VPS8: variants seen among roughly 807,000 people sequenced by gnomAD.
VPS8 encodes the protein vacuolar protein sorting-associated protein 8 homolog.
In VPS8, 129 loss-of-function variants were observed where a neutral mutation model predicts 216.4. That is an observed-to-expected ratio of 0.60 (90% confidence interval 0.52 to 0.69). The LOEUF is 0.69. VPS8 is among the 30% of genes least tolerant of loss of function. The pLI is 0.00. For synonymous variants in VPS8, 571 were observed against 565.4 expected (o/e 1.01, Z -0.14); for missense variants, 1,531 against 1,683.5 (o/e 0.91, Z 1.59).
intron 20 of VPS8, 68 bp downstream of exon 20, chr3:184,869,596 T>C: frequency 6.6e-7 from 1 of 1,514,404 alleles, no homozygotes; most frequent in South Asian, 1.1e-5. Flanking sequence ...GCCAGTATCT[T>C]TGGGCATGAG....
rs371353447 is a variant in VPS8, at chr3:184,951,378, A to C, written c.3036-5996A>C. On this transcript the variant is annotated intron_variant, in intron 36 of 47. Coordinates refer to ENST00000625842, the MANE Select transcript of VPS8 (RefSeq NM_001009921.3). ...CCCACACCTATAGTCTCAGTTACTC[A>C]GGAGGCTGAAGTGGGAGGATCACTG... 3.8e-3 allele frequency among the ~76,000 whole-genome samples: 579 copies of C among 151,974 alleles called. 3 individuals are homozygous for C. Among genetic ancestry groups the C allele is most frequent in the African/African-American group, 0.013 (556 of 41,476 alleles).
At chr3:185,010,583 A>G (rs185194027) in intron 45 of VPS8, among the ~76,000 whole-genome samples, 113 of 152,288 alleles carry the variant, frequency 7.4e-4, no homozygotes, top group African/African-American at 2.6e-3. Flanking sequence ...TTAAAACTAC[A>G]ATGTCTGAGA....
At chr3:184,971,578 A>G (rs1748413821) in intron 39 of VPS8, 71 bp from the exon 40 acceptor site, 2 of 1,213,180 alleles carry the variant, frequency 1.6e-6, no homozygotes, top group African/African-American at 1.6e-5. Context: ...AAGAAGTTTA[A>G]CTTTTCACAG....
At chr3:184,878,389 G>A (rs919028414) in intron 21 of VPS8, among the ~76,000 whole-genome samples, 1 of 152,192 alleles carries the variant, frequency 6.6e-6, no homozygotes, top group Admixed American at 6.5e-5. Flanking sequence ...GATTACAGGT[G>A]TGAGCCACTG....
chr3:184,954,966 C>T (rs561660596), intron 36 of VPS8, among the ~76,000 whole-genome samples: 35 of 152,180 alleles, frequency 2.3e-4, no homozygotes, highest in Middle Eastern at 3.4e-3. Flanking sequence ...CAGGTGTTGA[C>T]GGGATATTGT....
Position 184,928,446 on chromosome 3 carries a change from C to T in VPS8, c.2632-5C>T. The T allele has an allele frequency of 6.5e-7, 1 of 1,532,206 alleles. No homozygotes were observed. The highest frequency in any genetic ancestry group is 8.7e-7 in the Non-Finnish European group (1 of 1,151,808). The allele number at this position is 1,532,206 out of a possible 1,614,324, so 94.9% of individuals were successfully genotyped here. A position where few individuals can be genotyped will look rare whatever the true frequency, so the allele number is the denominator to read the frequency against. ...TGTTTTTACTCATTTATTGTAAATA[C>T]TCAGGTCCTTTTAGAATTGCTGCAG... On this transcript the variant is annotated splice_region_variant and splice_polypyrimidine_tract_variant and intron_variant, in intron 31 of 47. Transcript: ENST00000625842.
chr3:184,957,614 T>C (rs936071429), intron 37 of VPS8, 93 bp downstream of exon 37: 1 of 1,397,054 alleles, frequency 7.2e-7, no homozygotes, highest in African/African-American at 1.5e-5. Flanking sequence ...AAATATATAA[T>C]TTCTTTTTTA....
chr3:184,984,540 G>T (rs1035664260), intron 42 of VPS8, among the ~76,000 whole-genome samples: 10 of 151,904 alleles, frequency 6.6e-5, no homozygotes, highest in African/African-American at 2.4e-4. Context: ...TGATCCGCCC[G>T]CCTCAGCCTC....
chr3:185,040,933 T>G (rs1396769401), intron 46 of VPS8, among the ~76,000 whole-genome samples: 1 of 152,154 alleles, frequency 6.6e-6, no homozygotes, highest in Non-Finnish European at 1.5e-5. Context: ...CCAGGCGCGG[T>G]GGCTCATGCC....
intron 21 of VPS8, among the ~76,000 whole-genome samples, chr3:184,875,811 C>A (rs1476265911): frequency 1.4e-5 from 2 of 146,900 alleles, no homozygotes; most frequent in African/African-American, 5.1e-5. Flanking sequence ...CATAGTGAAA[C>A]CTTGTCTCTA....
intron 24 of VPS8, among the ~76,000 whole-genome samples, chr3:184,899,761 A>G (rs1021155363): frequency 8.5e-5 from 13 of 152,226 alleles, no homozygotes; most frequent in Non-Finnish European, 1.5e-4. Context: ...GCTCAAAATA[A>G]TCCCTCAAAA....
At chr3:184,819,015 G>GGTGCAAGTTTAACT (rs1325966339) in intron 1 of VPS8, among the ~76,000 whole-genome samples, 1 of 152,030 alleles carries the variant, frequency 6.6e-6, no homozygotes, top group African/African-American at 2.4e-5. Flanking sequence ...AAAAAAAACT[G>GGTGCAAGTTTAACT]GTGCAAGTTT....
At chr3:184,905,853 C>T (rs1256519414) in intron 25 of VPS8, among the ~76,000 whole-genome samples, 1 of 151,598 alleles carries the variant, frequency 6.6e-6, no homozygotes, top group Non-Finnish European at 1.5e-5. Context: ...TTTTTTTTAA[C>T]CAAACAAATT....
chr3:184,969,053 A>C (rs997928933), intron 39 of VPS8, among the ~76,000 whole-genome samples: 3 of 152,126 alleles, frequency 2.0e-5, no homozygotes, highest in African/African-American at 7.2e-5. Flanking sequence ...GTATGTGTTT[A>C]GTCAATTTGG....
chr3:184,914,315 G>A (rs1182872789), intron 26 of VPS8, among the ~76,000 whole-genome samples: 1 of 152,166 alleles, frequency 6.6e-6, no homozygotes, highest in East Asian at 1.9e-4. Context: ...GTTGTCTCCA[G>A]TCTAACATTG....
intron 25 of VPS8, among the ~76,000 whole-genome samples, chr3:184,913,116 C>A: frequency 6.6e-6 from 1 of 152,092 alleles, no homozygotes; most frequent in Non-Finnish European, 1.5e-5. Flanking sequence ...CCTTTTCAGC[C>A]CTAGAGCACG....
Position 184,996,402 on chromosome 3 carries a change from C to T in VPS8, c.3737C>T (p.Ser1246Leu), listed in dbSNP as rs370944610. 29 of 1,613,768 alleles carry T rather than the reference C, an allele frequency of 1.8e-5. No individual in the cohort carries two copies. The highest frequency in any genetic ancestry group is 1.6e-4 in the Middle Eastern group (1 of 6,084). The change falls in exon 44 of 48, where the codon TCG becomes TTG. Residue 1246 changes from serine to leucine, a missense_variant. This residue lies in a region of VPS8 where 1,318 missense variants were observed against 1,468.4 expected (regional missense o/e 0.90). Transcript: ENST00000625842. ...TGGTCATTGTGTAACCTGAGAGCTT[C>T]GGTCACCAGAGGACTGAATCCCAAA... ...LHWSLCNLRASVTRGLNPKQD... is the reference protein window; with the variant it reads ...LHWSLCNLRALVTRGLNPKQD...
chr3:184,981,011 AG>A (rs1042019162), intron 40 of VPS8, among the ~76,000 whole-genome samples: 1 of 152,166 alleles, frequency 6.6e-6, no homozygotes, highest in African/African-American at 2.4e-5. Flanking sequence ...ATGCCTTTGA[AG>A]GTTTGACTGT....
At chr3:184,935,371 T>C (rs148857404) in intron 34 of VPS8, among the ~76,000 whole-genome samples, 38 of 152,344 alleles carry the variant, frequency 2.5e-4, no homozygotes, top group Admixed American at 2.5e-3. Flanking sequence ...TGCATTAAAG[T>C]TATGTAAACT....
Sources: gnomAD v4.1 joint callset for allele counts (sites outside exome capture counted in the v4.1 genomes callset) on GRCh38, gnomAD v4.1.1 for gene constraint, gnomAD v4.1.1 regional missense constraint, MANE v1.5 for transcripts, NCBI Gene and HGNC (gene_info 2026-07-23, HGNC 2026-07-21) for gene names.